TTC39B: variants seen among roughly 807,000 people sequenced by gnomAD.
TTC39B encodes tetratricopeptide repeat domain 39B.
A neutral mutation model predicts 96.6 loss-of-function variants in TTC39B; 92 were observed. That is an observed-to-expected ratio of 0.95 (90% CI 0.80 to 1.13). The LOEUF (loss-of-function observed/expected upper bound fraction) is 1.13, where lower values mean the gene tolerates loss of function less well. Among genes scored for constraint, TTC39B ranks in the 50% most tolerant of loss-of-function variants. The pLI, the probability that TTC39B is intolerant of heterozygous loss-of-function variation, is 0.00. For synonymous variants in TTC39B, 367 were observed against 299.4 expected, an observed-to-expected ratio of 1.23 and a Z score of -2.33; for missense variants, 955 against 809.3, an observed-to-expected ratio of 1.18 and a Z score of -2.18.
chr9:15,193,443 T>G (rs79010983), intron 8 of TTC39B, among the ~76,000 whole-genome samples: 1 of 152,210 alleles, frequency 6.6e-6, no homozygotes, highest in Non-Finnish European at 1.5e-5. Flanking sequence ...ATGAATCACT[T>G]GGTGTGATGC....
intron 1 of TTC39B, among the ~76,000 whole-genome samples, chr9:15,279,715 G>C (rs948334236): frequency 1.3e-5 from 2 of 152,076 alleles, no homozygotes; most frequent in Non-Finnish European, 1.5e-5. Flanking sequence ...AGGTTAGGAA[G>C]TGGACCACAC....
At chr9:15,255,556 G>A (rs1382381140) in intron 2 of TTC39B, among the ~76,000 whole-genome samples, 1 of 151,852 alleles carries the variant, frequency 6.6e-6, no homozygotes, top group Non-Finnish European at 1.5e-5. Context: ...TTTATCGTGA[G>A]GTAGATGAAA....
chr9:15,196,952 C>G (rs1819205565), intron 8 of TTC39B, among the ~76,000 whole-genome samples: 2 of 152,210 alleles, frequency 1.3e-5, no homozygotes, highest in South Asian at 2.1e-4. Flanking sequence ...CAGCAGCCAT[C>G]AACATGGATG....
exon 11 of TTC39B, chr9:15,190,650 G>T (rs574634779): frequency 1.2e-6 from 2 of 1,613,962 alleles, no homozygotes; most frequent in Non-Finnish European, 1.7e-6. Context: ...CGTAACTGCA[G>T]GAGGCCCAAC....
At chr9:15,212,526 A>G (rs937843496) in intron 4 of TTC39B, among the ~76,000 whole-genome samples, 1 of 152,226 alleles carries the variant, frequency 6.6e-6, no homozygotes, top group Non-Finnish European at 1.5e-5. Context: ...CCCGGGTTCA[A>G]GTGATTCTCC....
chr9:15,280,605 A>T (rs559547008), intron 1 of TTC39B, among the ~76,000 whole-genome samples: 2 of 152,280 alleles, frequency 1.3e-5, no homozygotes, highest in African/African-American at 4.8e-5. Flanking sequence ...TGGCCCGAAC[A>T]GTGATGATGA....
chr9:15,191,276 G>C, intron 9 of TTC39B, 21 bp from the exon 10 acceptor site: 2 of 1,532,558 alleles, frequency 1.3e-6, no homozygotes, highest in Non-Finnish European at 1.8e-6. Context: ...AAAATATACA[G>C]TGTACTTATG....
intron 6 of TTC39B, among the ~76,000 whole-genome samples, chr9:15,209,798 T>A (rs1177650766): frequency 3.9e-5 from 6 of 152,132 alleles, no homozygotes; most frequent in Non-Finnish European, 1.5e-5. Context: ...CAATGTCAAA[T>A]TCACATTGTA....
chr9:15,286,272 G>C (rs2382519), intron 1 of TTC39B, among the ~76,000 whole-genome samples: 37,331 of 152,164 alleles, frequency 0.25, 5,554 homozygotes, highest in Non-Finnish European at 0.32. Flanking sequence ...CAACTCTTTA[G>C]CCTCCTTTAA....
At chr9:15,249,090 G>A (rs1464121365) in intron 2 of TTC39B, 1 of 152,154 alleles carries the variant, frequency 6.6e-6, no homozygotes, top group East Asian at 1.9e-4. Context: ...AGGAACATAT[G>A]GGGGTTATGG....
intron 2 of TTC39B, among the ~76,000 whole-genome samples, chr9:15,230,181 C>T (rs537950569): frequency 6.6e-6 from 1 of 152,270 alleles, no homozygotes; most frequent in African/African-American, 2.4e-5. Flanking sequence ...GGAATATATG[C>T]CCTTATTTTG....
chr9:15,256,665 G>A (rs1022583719), intron 2 of TTC39B, among the ~76,000 whole-genome samples: 1 of 152,304 alleles, frequency 6.6e-6, no homozygotes, highest in African/African-American at 2.4e-5. Context: ...TTTTGGTGGA[G>A]TCACTGAGAA....
At chr9:15,290,146 GA>G (rs969337826) in intron 1 of TTC39B, among the ~76,000 whole-genome samples, 69 of 151,950 alleles carry the variant, frequency 4.5e-4, no homozygotes, top group African/African-American at 1.5e-3. Flanking sequence ...ACTAAAGTGA[GA>G]AAAAAATGGT....
At chr9:15,300,242 A>G (rs1824535761) in intron 1 of TTC39B, among the ~76,000 whole-genome samples, 1 of 152,118 alleles carries the variant, frequency 6.6e-6, no homozygotes, top group Non-Finnish European at 1.5e-5. Context: ...AGCTGAAAGG[A>G]AACAGGAATA....
chr9:15,194,261 T>C (rs1328579007), intron 8 of TTC39B, among the ~76,000 whole-genome samples: 1 of 152,202 alleles, frequency 6.6e-6, no homozygotes, highest in Non-Finnish European at 1.5e-5. Context: ...TTCTTATGTT[T>C]CCTGCTAGAA....
At chr9:15,261,429 C>T (rs892084393) in intron 2 of TTC39B, among the ~76,000 whole-genome samples, 4 of 151,986 alleles carry the variant, frequency 2.6e-5, no homozygotes, top group Non-Finnish European at 5.9e-5. Context: ...GAGTTGAGAA[C>T]GCGCCACTAC....
At chr9:15,230,256 C>T (rs78436699) in intron 2 of TTC39B, among the ~76,000 whole-genome samples, 1 of 152,146 alleles carries the variant, frequency 6.6e-6, no homozygotes, top group Non-Finnish European at 1.5e-5. Context: ...ATTCACAGAC[C>T]ATAAAATTCA....
At chr9:15,226,821 A>G (rs1174581387) in intron 2 of TTC39B, among the ~76,000 whole-genome samples, 1 of 152,106 alleles carries the variant, frequency 6.6e-6, no homozygotes, top group Non-Finnish European at 1.5e-5. Flanking sequence ...TTCCAGAAAG[A>G]GTTTAAGAGT....
At chr9:15,292,990 G>T (rs1170245140) in intron 1 of TTC39B, among the ~76,000 whole-genome samples, 1 of 152,150 alleles carries the variant, frequency 6.6e-6, no homozygotes, top group Non-Finnish European at 1.5e-5. Flanking sequence ...AATGTCCTAG[G>T]CCTTCACATT....
Sources: allele counts gnomAD v4.1 joint callset (sites outside exome capture counted in the v4.1 genomes callset), GRCh38; gene constraint gnomAD v4.1.1; transcripts MANE v1.5; gene names NCBI Gene and HGNC (gene_info 2026-07-23, HGNC 2026-07-21).